The following RAP2C variants were observed in gnomAD, a reference collection of about 807,000 sequenced individuals.
The protein encoded by RAP2C is RAP2C, member of RAS oncogene family, also known as ras-related protein Rap-2c.
A neutral mutation model predicts 8.9 loss-of-function variants in RAP2C; 3 were observed. The observed-to-expected ratio is 0.34, with a 90% CI of 0.15 to 0.87. The LOEUF is 0.87. RAP2C is among the 40% of genes least tolerant of loss of function. The probability of loss-of-function intolerance (pLI) is 0.51; values close to 1 mark genes in which losing one functional copy is unlikely to be tolerated. For synonymous variants in RAP2C, 60 were observed against 52.1 expected, an observed-to-expected ratio of 1.15 and a Z score of -0.65; for missense variants, 76 against 133.7, an observed-to-expected ratio of 0.57 and a Z score of 2.13.
Position 132,203,363 on chromosome X carries a change from G to A in RAP2C, c.*2259C>T, listed in dbSNP as rs185456953. 4.5e-5 allele frequency: 5 copies of A among 111,372 alleles called. No homozygotes were observed. In the East Asian group the frequency reaches 1.4e-3, roughly 31 times the overall value. The allele number at this position is 111,372 out of a possible 1,213,427, so 9.2% of individuals were successfully genotyped here. ...AATAAGCAACATGCAATCTATTGAGGAAGCTAAAATAACTTTTGGTCCCTT... is the reference window on the plus strand; with the variant it reads ...AATAAGCAACATGCAATCTATTGAGAAAGCTAAAATAACTTTTGGTCCCTT... On this transcript the variant is annotated 3_prime_UTR_variant, in exon 6 of 6. Transcript: ENST00000370874.
chrX:132,203,446 T>C lies in RAP2C; in HGVS notation c.*2176A>G, dbSNP rs1260263626. On this transcript the variant is annotated 3_prime_UTR_variant, in exon 6 of 6. Coordinates refer to ENST00000370874, the MANE Select transcript of RAP2C (RefSeq NM_001271186.2). ...AATCACTTTCCCCTGATTCCTGCGA[T>C]CCTAAGTGAATTCAAGTCAAATTTG... is the stretch of plus-strand genomic sequence containing the variant. 9.3e-6 allele frequency: 1 copy of C among 107,338 alleles called. No homozygotes were observed. The highest frequency in any genetic ancestry group is 1.9e-5 in the Non-Finnish European group (1 of 52,019). The allele number at this position is 107,338 out of a possible 1,213,427, so 8.8% of individuals were successfully genotyped here.
chrX:132,210,358 C>T (rs1930394528), intron 5 of RAP2C, among the ~76,000 whole-genome samples: 2 of 111,394 alleles, frequency 1.8e-5, no homozygotes, highest in Non-Finnish European at 3.8e-5. Context: ...TTTTAAAAAA[C>T]CCTGAAAATG....
At chrX:132,213,375 A>G (rs1047423142) in intron 5 of RAP2C, among the ~76,000 whole-genome samples, 9 of 111,908 alleles carry the variant, frequency 8.0e-5, no homozygotes, top group Non-Finnish European at 1.5e-4. Context: ...TGAGTTTTAA[A>G]AAAAAACTCA....
intron 5 of RAP2C, among the ~76,000 whole-genome samples, chrX:132,213,569 G>C (rs1930489812): frequency 9.0e-6 from 1 of 111,459 alleles, no homozygotes; most frequent in African/African-American, 3.3e-5. Context: ...TTATAATGAA[G>C]TCAGGGTACA....
rs140192546 is a variant in RAP2C, at chrX:132,213,486, T to A, written c.*34+648A>T. ...TCATAATTTATTAAATTGAATAAAT[T>A]TTTTTATGCATGAAACTGTTCCTTC... On this transcript the variant is annotated intron_variant, in intron 5 of 5. Coordinates refer to ENST00000370874, the MANE Select transcript of RAP2C (RefSeq NM_001271186.2). Among the ~76,000 whole-genome samples, 823 of 111,582 alleles carry A rather than the reference T, an allele frequency of 7.4e-3. 8 individuals carry two copies. Among genetic ancestry groups the A allele is most frequent in the African/African-American group, 0.025 (769 of 30,689 alleles).
At chrX:132,207,532 A>G (rs1458647011) in intron 5 of RAP2C, among the ~76,000 whole-genome samples, 4 of 111,819 alleles carry the variant, frequency 3.6e-5, no homozygotes, top group Non-Finnish European at 7.5e-5. Context: ...GCTCTACAAT[A>G]TTAACATTAG....
intron 4 of RAP2C, among the ~76,000 whole-genome samples, chrX:132,215,027 CA>C (rs1274512527): frequency 9.0e-6 from 1 of 111,183 alleles, no homozygotes; most frequent in African/African-American, 3.3e-5. Flanking sequence ...AAACACCTTA[CA>C]ATACACTTAA....
At position 132,217,526 on chromosome X, in the gene RAP2C, G is replaced by A. The variant is rs926709078; in HGVS notation, c.-258C>T. The A allele has an allele frequency of 2.2e-4, 57 of 262,756 alleles. No homozygotes were observed. Among genetic ancestry groups the A allele is most frequent in the African/African-American group, 1.5e-3 (55 of 35,822 alleles). 21.7% of individuals were successfully genotyped at this position (262,756 alleles called of 1,213,427 possible). ...GCCCGAGCAGGGGGCGTGGGGAGGA[G>A]GGCGAGCCTGGGAAAAGCCCGGCGA... On this transcript the variant is annotated 5_prime_UTR_variant, in exon 4 of 6. Transcript: ENST00000370874.
At position 132,214,419 on chromosome X, in the gene RAP2C, C is replaced by T. The variant is rs1384217732; in HGVS notation, c.301G>A (p.Val101Ile). The T allele has an allele frequency of 8.3e-7, 1 of 1,210,686 alleles. No homozygotes were observed. Among genetic ancestry groups the T allele is most frequent in the Admixed American group, 2.2e-5 (1 of 45,964 alleles). Residue 101 changes from valine to isoleucine, a missense_variant, in exon 5 of 6, where the codon GTC (valine) becomes ATC (isoleucine). Physicochemically the swap from Val to Ile is conservative, Grantham distance 29. Coordinates refer to ENST00000370874, the MANE Select transcript of RAP2C (RefSeq NM_001271186.2). ...ACTTTTTCATATCTCTTCACTCTGACAATTTGATCTCTCATTGGCTTGATA... is the reference window on the plus strand; with the variant it reads ...ACTTTTTCATATCTCTTCACTCTGATAATTTGATCTCTCATTGGCTTGATA... ...QDIKPMRDQI[V>I]RVKRYEKVPL...
At chrX:132,212,875 A>C (rs2124146024) in intron 5 of RAP2C, among the ~76,000 whole-genome samples, 1 of 112,718 alleles carries the variant, frequency 8.9e-6, no homozygotes, top group African/African-American at 3.2e-5. Flanking sequence ...GTAGCTAGAC[A>C]TAAGAAAATA....
At chrX:132,207,481 ACTC>A (rs763021101) in intron 5 of RAP2C, among the ~76,000 whole-genome samples, 1 of 111,600 alleles carries the variant, frequency 9.0e-6, no homozygotes, top group Non-Finnish European at 1.9e-5. Context: ...GGATGACAAT[ACTC>A]CTGTGAAATC....
rs187848677 is a variant in RAP2C at position 132,213,817 on chromosome X, G to A, written c.*34+317C>T. The stretch of plus-strand genomic sequence containing the variant: ...CCTGTGCATTCTGGATGCTAAATCA[G>A]AAGAACAGGGAAAAAGTGTATTATG... On this transcript the variant is annotated intron_variant, in intron 5 of 5. Coordinates refer to ENST00000370874, the MANE Select transcript of RAP2C (RefSeq NM_001271186.2). 2.2e-4 allele frequency among the ~76,000 whole-genome samples: 25 copies of A among 111,934 alleles called. No homozygotes were observed. The East Asian group carries it at 7.0e-3, about 31-fold the overall frequency.
At position 132,203,975 on chromosome X, in the gene RAP2C, T is replaced by C. The variant is rs1930198896; in HGVS notation, c.*1647A>G. ...CATGCTGACCCATAAATCACATGAA[T>C]GTAGATACCACTTTATTTGAACATC... On this transcript the variant is annotated 3_prime_UTR_variant, in exon 6 of 6. Coordinates refer to ENST00000370874, the MANE Select transcript of RAP2C (RefSeq NM_001271186.2). 8.9e-6 allele frequency: 1 copy of C among 112,640 alleles called. No individual in the cohort carries two copies. Among genetic ancestry groups the C allele is most frequent in the African/African-American group, 3.2e-5 (1 of 30,949 alleles). The allele number at this position is 112,640 out of a possible 1,213,427, so 9.3% of individuals were successfully genotyped here.
At chrX:132,215,162 T>C (rs1234110167) in intron 4 of RAP2C, among the ~76,000 whole-genome samples, 1 of 109,794 alleles carries the variant, frequency 9.1e-6, no homozygotes, top group Non-Finnish European at 1.9e-5. Context: ...TGTTTCCCCA[T>C]GCGTATTACT....
chrX:132,215,715 TCTC>T (rs1271385015), intron 4 of RAP2C, among the ~76,000 whole-genome samples: 1 of 111,439 alleles, frequency 9.0e-6, no homozygotes, highest in African/African-American at 3.3e-5. Context: ...GAATAACAAA[TCTC>T]CTGAGGATCC....
intron 5 of RAP2C, among the ~76,000 whole-genome samples, chrX:132,207,011 C>A (rs918336975): frequency 8.9e-6 from 1 of 111,879 alleles, no homozygotes; most frequent in Admixed American, 9.5e-5. Context: ...AATTTCTAGA[C>A]TACCAGGATT....
chrX:132,211,916 G>A (rs1263788456), intron 5 of RAP2C, among the ~76,000 whole-genome samples: 1 of 110,872 alleles, frequency 9.0e-6, no homozygotes, highest in Non-Finnish European at 1.9e-5. Context: ...TCAAGCTATA[G>A]GATTCAAAAT....
rs1256014185 is a variant in RAP2C at position 132,205,365 on chromosome X, T to G, written c.*257A>C. 8.9e-6 allele frequency: 1 copy of G among 112,239 alleles called. No homozygotes were observed. Among genetic ancestry groups the G allele is most frequent in the Non-Finnish European group, 1.9e-5 (1 of 53,200 alleles). 9.2% of individuals were successfully genotyped at this position (112,239 alleles called of 1,213,427 possible). A position where few individuals can be genotyped will look rare whatever the true frequency, so the allele number is the denominator to read the frequency against. On this transcript the variant is annotated 3_prime_UTR_variant, in exon 6 of 6. Transcript: ENST00000370874. ...AGCCATCAATAAGAACTTAGAAAGC[T>G]ATAAAAGGACTGATTGATAAAGAAT...
chrX:132,214,612 G>A, intron 4 of RAP2C, 166 bp from the exon 5 acceptor site: 1 of 721,339 alleles, frequency 1.4e-6, no homozygotes, highest in Non-Finnish European at 1.6e-6. Flanking sequence ...GTCCACTGAA[G>A]TAAGAACTAG....
Sources: gnomAD v4.1 joint callset for allele counts (sites outside exome capture counted in the v4.1 genomes callset) on GRCh38, gnomAD v4.1.1 for gene constraint, MANE v1.5 for transcripts, NCBI Gene and HGNC (gene_info 2026-07-23, HGNC 2026-07-21) for gene names.